The following SSPN variants were observed in gnomAD, a reference collection of about 807,000 sequenced individuals.
SSPN encodes the protein K-ras oncogene-associated protein.
In SSPN, 15 loss-of-function variants were observed where a neutral mutation model predicts 19.1. The ratio of observed to expected loss-of-function variants is 0.78; its 90% CI spans 0.52 to 1.21. The LOEUF is 1.21. Among genes scored for constraint, SSPN ranks in the 50% most tolerant of loss-of-function variants. The pLI, the probability that SSPN is intolerant of heterozygous loss-of-function variation, is 0.00. For synonymous variants in SSPN, 147 were observed against 140.3 expected, an observed-to-expected ratio of 1.05 and a Z score of -0.34; for missense variants, 291 against 314.0, an observed-to-expected ratio of 0.93 and a Z score of 0.55.
intron 1 of SSPN, among the ~76,000 whole-genome samples, chr12:26,179,238 C>G (rs1216071003): frequency 6.6e-6 from 1 of 152,114 alleles, no homozygotes; most frequent in Non-Finnish European, 1.5e-5. Context: ...AGAAGGAGAG[C>G]AGTGCTTGAG....
chr12:26,154,958 G>T (rs1944547132), intron 1 of SSPN, among the ~76,000 whole-genome samples: 1 of 152,152 alleles, frequency 6.6e-6, no homozygotes, highest in South Asian at 2.1e-4. Flanking sequence ...TAATGACAGA[G>T]AAAACAATCT....
At chr12:26,223,501 C>T (rs1945144702) in intron 1 of SSPN, among the ~76,000 whole-genome samples, 1 of 138,058 alleles carries the variant, frequency 7.2e-6, no homozygotes, top group African/African-American at 2.6e-5. Context: ...TGAGGCACCG[C>T]ACCCGCTTAT....
chr12:26,222,286 A>G (rs921036932), intron 1 of SSPN, among the ~76,000 whole-genome samples: 1 of 152,238 alleles, frequency 6.6e-6, no homozygotes, highest in Non-Finnish European at 1.5e-5. Context: ...TTTTGACTTC[A>G]TGGTCCAGTA....
rs1944328182 is a variant in SSPN, at chr12:26,123,038, A to G, written c.-31+886A>G. On this transcript the variant is annotated intron_variant, in intron 1 of 2. Coordinates refer to the SSPN transcript ENST00000538142. The stretch of plus-strand genomic sequence containing the variant: ...CGTGCAAGTGGTTGATCAGCTGGAC[A>G]CACCGCGGCTCCCTGGGTGTCCAGC... 4 of 1,576,600 alleles carry G rather than the reference A, an allele frequency of 2.5e-6. No homozygotes were observed. The African/African-American group carries it at 4.0e-5, about 16-fold the overall frequency.
chr12:26,141,141 A>T (rs1477932594), intron 1 of SSPN, among the ~76,000 whole-genome samples: 1 of 152,204 alleles, frequency 6.6e-6, no homozygotes, highest in Non-Finnish European at 1.5e-5. Context: ...GAAAGGAGAG[A>T]TTATCCAGGA....
Position 26,231,340 on chromosome 12 carries a change from C to G in SSPN, c.*264C>G. The G allele has an allele frequency of 2.5e-6, 1 of 393,536 alleles. No individual in the cohort carries two copies. Among genetic ancestry groups the G allele is most frequent in the South Asian group, 3.7e-5 (1 of 27,316 alleles). 24.4% of individuals were successfully genotyped at this position (393,536 alleles called of 1,614,324 possible). On this transcript the variant is annotated 3_prime_UTR_variant, in exon 3 of 3. Transcript: ENST00000242729. ...AGAACACTGAACAAGGAAAGAATGG[C>G]ATAGATCTATCTTTACAGTCTGGAG...
At chr12:26,137,605 C>T (rs1301969945) in intron 1 of SSPN, among the ~76,000 whole-genome samples, 9 of 130,338 alleles carry the variant, frequency 6.9e-5, no homozygotes, top group Non-Finnish European at 1.3e-4. Context: ...TATATATACA[C>T]ATATACATAT....
intron 2 of SSPN, among the ~76,000 whole-genome samples, chr12:26,227,019 C>G (rs765195805): frequency 3.9e-5 from 6 of 152,062 alleles, no homozygotes; most frequent in Non-Finnish European, 7.4e-5. Context: ...TGCGCAGCGC[C>G]GGGCTGATGG....
intron 1 of SSPN, among the ~76,000 whole-genome samples, chr12:26,216,311 A>G (rs1238648559): frequency 2.6e-5 from 4 of 152,180 alleles, no homozygotes; most frequent in African/African-American, 2.4e-5. Flanking sequence ...TTTGTTAGAA[A>G]TGCGAATTGT....
chr12:26,170,225 G>A (rs188837935), intron 1 of SSPN, among the ~76,000 whole-genome samples: 426 of 152,306 alleles, frequency 2.8e-3, no homozygotes, highest in South Asian at 8.1e-3. Context: ...GTACACCTAA[G>A]TGTATACAAT....
chr12:26,168,509 C>T (rs999056111), intron 1 of SSPN, among the ~76,000 whole-genome samples: 1 of 152,252 alleles, frequency 6.6e-6, no homozygotes, highest in Non-Finnish European at 1.5e-5. Flanking sequence ...ACTTTACAGA[C>T]ATCCTCTCAC....
intron 1 of SSPN, among the ~76,000 whole-genome samples, chr12:26,221,792 A>G (rs1945124939): frequency 6.6e-6 from 1 of 152,248 alleles, no homozygotes; most frequent in Non-Finnish European, 1.5e-5. Context: ...CTGTGCACCT[A>G]CAGACAGAAA....
chr12:26,219,739 A>G (rs1945098850), intron 1 of SSPN, among the ~76,000 whole-genome samples: 1 of 152,198 alleles, frequency 6.6e-6, no homozygotes, highest in East Asian at 1.9e-4. Context: ...TTACATGCAC[A>G]TTGACTAAAT....
chr12:26,191,677 TACACACACACACACAC>T (rs10525695), upstream of SSPN, among the ~76,000 whole-genome samples: 304 of 149,118 alleles, frequency 2.0e-3, 3 homozygotes, highest in African/African-American at 7.0e-3. Context: ...TAATTTGTTC[TACACACACACACACAC>T]ACACACACAC....
chr12:26,200,956 G>T (rs1360527324), intron 1 of SSPN, among the ~76,000 whole-genome samples: 2 of 138,096 alleles, frequency 1.4e-5, no homozygotes, highest in African/African-American at 2.7e-5. Flanking sequence ...AGTTCTCATA[G>T]TAAGTATAAA....
chr12:26,124,886 T>C (rs1031920029), intron 1 of SSPN: 4 of 1,067,430 alleles, frequency 3.7e-6, no homozygotes, highest in Middle Eastern at 2.2e-4. Flanking sequence ...GTCTCCAGTC[T>C]CTCTCTCGCT....
At chr12:26,220,304 T>C (rs1264181657) in intron 1 of SSPN, among the ~76,000 whole-genome samples, 1 of 146,572 alleles carries the variant, frequency 6.8e-6, no homozygotes, top group Non-Finnish European at 1.5e-5. Flanking sequence ...TATCAAGCCC[T>C]ATCAGAAGGC....
intron 1 of SSPN, among the ~76,000 whole-genome samples, chr12:26,185,493 C>A (rs1033544914): frequency 1.3e-5 from 2 of 152,144 alleles, no homozygotes; most frequent in African/African-American, 4.8e-5. Context: ...ACTCACACAG[C>A]ACCTTGTACT....
At chr12:26,199,425 C>T (rs760376539) in intron 1 of SSPN, among the ~76,000 whole-genome samples, 1 of 152,124 alleles carries the variant, frequency 6.6e-6, no homozygotes, top group African/African-American at 2.4e-5. Context: ...GACTACGTAA[C>T]CTGTAAAAGT....
Sources: allele counts gnomAD v4.1 joint callset (sites outside exome capture counted in the v4.1 genomes callset), GRCh38; gene constraint gnomAD v4.1.1; transcripts MANE v1.5; gene names NCBI Gene and HGNC (gene_info 2026-07-23, HGNC 2026-07-21).